Variants in SLC47A2 observed in about 807,000 individuals in gnomAD.
The protein encoded by SLC47A2 is multidrug and toxin extrusion protein 2.
Under a neutral mutation model 67.7 loss-of-function variants are expected in SLC47A2, and 52 were observed. That is an observed-to-expected ratio of 0.77 (90% CI 0.61 to 0.97). SLC47A2 has a LOEUF of 0.97. Ranked by LOEUF, SLC47A2 falls within the 50% of genes least tolerant of loss-of-function variation. The pLI is 0.00. For synonymous variants in SLC47A2, 278 were observed against 292.9 expected (o/e 0.95, Z 0.52); for missense variants, 676 against 712.3 (o/e 0.95, Z 0.58).
At chr17:19,683,814 T>C (rs2085364290) in intron 13 of SLC47A2, among the ~76,000 whole-genome samples, 1 of 152,188 alleles carries the variant, frequency 6.6e-6, no homozygotes, top group Admixed American at 6.5e-5. Context: ...TGACCAGTAA[T>C]TGGCTGAACA....
intron 1 of SLC47A2, chr17:19,716,148 A>G (rs2086259708): frequency 4.8e-6 from 2 of 416,308 alleles, no homozygotes; most frequent in East Asian, 4.3e-5. Context: ...TCCTGGAGCC[A>G]TCTTCCAACT....
chr17:19,678,691 G>T lies in SLC47A2; in HGVS notation c.1696C>A (p.His566Asn), dbSNP rs751113380. ...GLTVRILATR[H>N] is the part of the protein sequence containing the mutation. Reference sequence around the variant, plus strand: ...TCTATTTCCAAGCTTCTTTGCTAGTGCCTGGTGGCTAGGATCCTGACCGTG... The same window carrying T: ...TCTATTTCCAAGCTTCTTTGCTAGTTCCTGGTGGCTAGGATCCTGACCGTG... The change falls in exon 17 of 17, where the codon CAC becomes AAC. Residue 566 changes from histidine (H) to asparagine (N), a missense_variant. Physicochemically the swap from His to Asn is moderately conservative, Grantham distance 68 (BLOSUM62 1). Transcript: ENST00000433844. 1.5e-5 allele frequency: 24 copies of T among 1,611,948 alleles called. No individual in the cohort carries two copies. The highest frequency in any genetic ancestry group is 1.7e-5 in the Non-Finnish European group (20 of 1,179,572).
At chr17:19,713,702 G>A (rs1371320495) in intron 4 of SLC47A2, 123 bp downstream of exon 4, 13 of 1,366,614 alleles carry the variant, frequency 9.5e-6, no homozygotes, top group African/African-American at 1.4e-5. Context: ...CACAGGCACC[G>A]TGCACTGTGA....
In SLC47A2 at chr17:19,702,633, C is replaced by T. The variant is rs139821332; in HGVS notation, c.1136G>A (p.Ser379Asn). The change falls in exon 13 of 17, where the codon AGT becomes AAT. Residue 379 changes from serine (S) to asparagine (N), a missense_variant. Ser to Asn is a conservative substitution (Grantham distance 46, BLOSUM62 1). Transcript: ENST00000433844. Reference sequence around the variant, plus strand: ...GATGGCCTCAAACACGTGAAAGACACTATAAACCGGCAAGACCTGGCTCAC... The same window carrying T: ...GATGGCCTCAAACACGTGAAAGACATTATAAACCGGCAAGACCTGGCTCAC... The part of the protein sequence containing the change: ...ALVSQVLPVY[S>N]VFHVFEAICC... 6 of 1,613,954 alleles carry T rather than the reference C, an allele frequency of 3.7e-6. No homozygotes were observed. In the African/African-American group the frequency reaches 5.3e-5, roughly 14 times the overall value.
rs1221833644 is a variant in SLC47A2, at chr17:19,684,860, CCT to C, written c.1165-3192_1165-3191del. On this transcript the variant is annotated intron_variant, in intron 13 of 16. Coordinates refer to ENST00000433844, the MANE Select transcript of SLC47A2 (RefSeq NM_001099646.3). ...CGCTCTTGCTCTCGCTCTCCATCTC[CCT>C]CTTTCTACGGTCTCCCTCTCTTGCG... Among the ~76,000 whole-genome samples the C allele has an allele frequency of 3.9e-5, 6 of 152,242 alleles. No homozygotes were observed. In the East Asian group the frequency reaches 1.2e-3, roughly 29 times the overall value.
chr17:19,696,023 CA>C (rs762767486), intron 13 of SLC47A2, among the ~76,000 whole-genome samples: 1 of 150,888 alleles, frequency 6.6e-6, no homozygotes, highest in Non-Finnish European at 1.5e-5. Flanking sequence ...TGTGTCTGGC[CA>C]AAAGATGTTG....
chr17:19,704,524 C>A, intron 10 of SLC47A2: 1 of 994,668 alleles, frequency 1.0e-6, no homozygotes, highest in Admixed American at 2.9e-5. Flanking sequence ...GAAAAGCTCC[C>A]TGTAAGAAAA....
In SLC47A2 at chr17:19,681,400, A is replaced by G. The variant is rs1220655156; in HGVS notation, c.1359T>C (p.Thr453=). The part of the protein sequence containing the change: ...FLATAAFVAY[T]ARLDWKLAAE... ...CAGCAAGCTTCCAGTCCAGCCGGGCAGTATAAGCAACAAAGGCAGCAGTTG... is the reference window on the plus strand; with the variant it reads ...CAGCAAGCTTCCAGTCCAGCCGGGCGGTATAAGCAACAAAGGCAGCAGTTG... The change falls in exon 15 of 17, where the codon ACT becomes ACC. Residue 453 remains threonine, a synonymous_variant. Coordinates refer to ENST00000433844, the MANE Select transcript of SLC47A2 (RefSeq NM_001099646.3). The G allele has an allele frequency of 6.2e-7, 1 of 1,612,742 alleles. No homozygotes were observed. Among genetic ancestry groups the G allele is most frequent in the Non-Finnish European group, 8.5e-7 (1 of 1,179,390 alleles).
At chr17:19,702,319 G>C in intron 13 of SLC47A2, 1 of 985,242 alleles carries the variant, frequency 1.0e-6, no homozygotes, top group Non-Finnish European at 1.2e-6. Flanking sequence ...CAGCTCATGA[G>C]GAATCCGGAA....
At chr17:19,709,294 T>C (rs1005167510) in intron 5 of SLC47A2, among the ~76,000 whole-genome samples, 2 of 152,162 alleles carry the variant, frequency 1.3e-5, no homozygotes, top group African/African-American at 2.4e-5. Context: ...GGGAGGACCA[T>C]AGGGGAGTGT....
chr17:19,715,264 C>T (rs748310823), intron 1 of SLC47A2, 47 bp from the exon 2 acceptor site: 13 of 1,550,000 alleles, frequency 8.4e-6, no homozygotes, highest in South Asian at 1.1e-5. Context: ...GGTGCCCACA[C>T]AGCCGAGCCC....
intron 15 of SLC47A2, among the ~76,000 whole-genome samples, chr17:19,681,019 C>G (rs1027670351): frequency 6.6e-6 from 1 of 152,086 alleles, no homozygotes; most frequent in African/African-American, 2.4e-5. Flanking sequence ...CGAGACCATC[C>G]TGGCTAACAC....
intron 5 of SLC47A2, among the ~76,000 whole-genome samples, chr17:19,711,717 A>G (rs1467114438): frequency 3.3e-5 from 5 of 151,890 alleles, no homozygotes; most frequent in Non-Finnish European, 7.4e-5. Context: ...GTGGGAGTAG[A>G]AATTGGTAGT....
chr17:19,691,281 G>C (rs2085534775), intron 13 of SLC47A2, among the ~76,000 whole-genome samples: 1 of 152,150 alleles, frequency 6.6e-6, no homozygotes. Flanking sequence ...AATTAGTATA[G>C]CGAAGAGATA....
chr17:19,687,712 C>A (rs1301650700), intron 13 of SLC47A2, among the ~76,000 whole-genome samples: 1 of 152,112 alleles, frequency 6.6e-6, no homozygotes, highest in African/African-American at 2.4e-5. Context: ...TTACTATGAG[C>A]AACTGTATAC....
At chr17:19,683,805 GA>G (rs2085364161) in intron 13 of SLC47A2, among the ~76,000 whole-genome samples, 1 of 152,154 alleles carries the variant, frequency 6.6e-6, no homozygotes, top group Non-Finnish European at 1.5e-5. Context: ...CACAGTCTCT[GA>G]CCAGTAATTG....
intron 5 of SLC47A2, among the ~76,000 whole-genome samples, chr17:19,711,017 C>G (rs1468230718): frequency 6.6e-6 from 1 of 151,354 alleles, no homozygotes; most frequent in African/African-American, 2.4e-5. Context: ...CCATATTAGT[C>G]AGGCTGGTCT....
chr17:19,703,037 A>G, intron 12 of SLC47A2, 55 bp downstream of exon 12: 5 of 1,548,374 alleles, frequency 3.2e-6, no homozygotes, highest in Non-Finnish European at 4.5e-6. Flanking sequence ...CTGAGGACAC[A>G]CTGGGAACCA....
At chr17:19,682,421 T>A (rs1272051227) in intron 13 of SLC47A2, among the ~76,000 whole-genome samples, 3 of 152,152 alleles carry the variant, frequency 2.0e-5, no homozygotes, top group African/African-American at 7.2e-5. Flanking sequence ...TGGGTCTCAC[T>A]GTGCCAAAAT....
Sources: allele counts gnomAD v4.1 joint callset (sites outside exome capture counted in the v4.1 genomes callset), GRCh38; gene constraint gnomAD v4.1.1; transcripts MANE v1.5; gene names NCBI Gene and HGNC (gene_info 2026-07-23, HGNC 2026-07-21).